Variants in RYR2 observed in about 807,000 individuals in gnomAD.
RYR2 encodes ryanodine receptor 2, also known as cardiac muscle ryanodine receptor-calcium release channel.
A neutral mutation model predicts 601.1 loss-of-function variants in RYR2; 227 were observed. The observed-to-expected ratio is 0.38, with a 90% CI of 0.34 to 0.42. The LOEUF (loss-of-function observed/expected upper bound fraction) is 0.42, where lower values mean the gene tolerates loss of function less well. Ranked by LOEUF, RYR2 falls within the 10% of genes least tolerant of loss-of-function variation. The pLI, the probability that RYR2 is intolerant of heterozygous loss-of-function variation, is 1.00. For synonymous variants in RYR2, 2,223 were observed against 2,175.1 expected (o/e 1.02, Z -0.61); for missense variants, 4,646 against 6,156.5 (o/e 0.75, Z 8.21).
chr1:237,830,937 C>A (rs535277031), intron 103 of RYR2, among the ~76,000 whole-genome samples: 2 of 152,194 alleles, frequency 1.3e-5, no homozygotes, highest in African/African-American at 2.4e-5. Context: ...TCTTAGGCTG[C>A]TTCCTAGGGA....
chr1:237,275,048 GTA>G (rs1690122015), intron 2 of RYR2, among the ~76,000 whole-genome samples: 1 of 150,926 alleles, frequency 6.6e-6, no homozygotes, highest in Non-Finnish European at 1.5e-5. Context: ...ATGCATGTCT[GTA>G]TATATATATC....
chr1:237,271,791 A>G (rs1031015436), intron 2 of RYR2, among the ~76,000 whole-genome samples: 2 of 152,114 alleles, frequency 1.3e-5, no homozygotes, highest in African/African-American at 4.8e-5. Context: ...TTGTCTCTGA[A>G]AGTCAGTGAC....
At chr1:237,755,654 A>G (rs1407832986) in intron 80 of RYR2, among the ~76,000 whole-genome samples, 8 of 152,188 alleles carry the variant, frequency 5.3e-5, no homozygotes, top group Non-Finnish European at 1.2e-4. Context: ...AACTCCAGCC[A>G]TTGCTCCAGC....
intron 1 of RYR2, among the ~76,000 whole-genome samples, chr1:237,227,509 A>T (rs956486604): frequency 6.6e-6 from 1 of 152,200 alleles, no homozygotes; most frequent in Non-Finnish European, 1.5e-5. Context: ...AAACTGTTTC[A>T]TCATAACATC....
At chr1:237,244,464 G>T (rs1398751695) in intron 1 of RYR2, among the ~76,000 whole-genome samples, 2 of 152,090 alleles carry the variant, frequency 1.3e-5, no homozygotes, top group Non-Finnish European at 2.9e-5. Flanking sequence ...GAGCAGAGAA[G>T]ATGGTGTCCT....
intron 62 of RYR2, 41 bp downstream of exon 62, chr1:237,680,618 T>G: frequency 6.6e-7 from 1 of 1,522,844 alleles, no homozygotes; most frequent in Non-Finnish European, 8.9e-7. Context: ...ATGACTTAGG[T>G]GTATATGCAG....
chr1:237,229,292 T>G (rs1397478085), intron 1 of RYR2, among the ~76,000 whole-genome samples: 2 of 152,194 alleles, frequency 1.3e-5, no homozygotes, highest in Non-Finnish European at 2.9e-5. Context: ...CTTTTATGCA[T>G]GGTGGGGATG....
intron 97 of RYR2, among the ~76,000 whole-genome samples, chr1:237,798,928 G>A (rs1296315732): frequency 1.3e-5 from 2 of 152,026 alleles, no homozygotes; most frequent in Non-Finnish European, 1.5e-5. Context: ...TAATGATTTT[G>A]GAAGAAACAT....
chr1:237,698,611 A>G (rs1195184203), intron 63 of RYR2, among the ~76,000 whole-genome samples: 1 of 152,192 alleles, frequency 6.6e-6, no homozygotes, highest in Non-Finnish European at 1.5e-5. Context: ...CATAAAGGAT[A>G]TGAGCTGACT....
chr1:237,722,370 G>C (rs1689798591), intron 73 of RYR2, among the ~76,000 whole-genome samples: 1 of 151,012 alleles, frequency 6.6e-6, no homozygotes, highest in Non-Finnish European at 1.5e-5. Flanking sequence ...TTTAATGTCT[G>C]TCTTCTCTAC....
intron 77 of RYR2, 126 bp from the exon 78 acceptor site, chr1:237,731,920 C>CACACA (rs1225609687): frequency 1.6e-5 from 4 of 249,540 alleles, no homozygotes; most frequent in East Asian, 1.1e-4. Flanking sequence ...ACACACACAC[C>CACACA]CCACAACAGG....
chr1:237,388,818 T>C (rs1702146004), intron 10 of RYR2, among the ~76,000 whole-genome samples: 1 of 152,182 alleles, frequency 6.6e-6, no homozygotes, highest in Non-Finnish European at 1.5e-5. Flanking sequence ...AAGATGAATA[T>C]GTAAATAAGA....
chr1:237,732,769 T>A lies in RYR2; in HGVS notation c.11039+620T>A, dbSNP rs567124474. Among the ~76,000 whole-genome samples the A allele has an allele frequency of 9.2e-5, 14 of 152,294 alleles. No homozygotes were observed. In the East Asian group the frequency reaches 2.5e-3, roughly 27 times the overall value. On this transcript the variant is annotated intron_variant, in intron 78 of 104. Transcript: ENST00000366574. ...CAGCATCTGTCATTACGGAGGGCAA[T>A]GCATAAATTGGCTGTGCAGATGGGA... is the stretch of plus-strand genomic sequence containing the variant.
intron 1 of RYR2, among the ~76,000 whole-genome samples, chr1:237,240,627 T>C (rs1188871138): frequency 1.3e-5 from 1 of 79,004 alleles, no homozygotes; most frequent in Non-Finnish European, 2.4e-5. Flanking sequence ...TATTTAAATA[T>C]AATAAGTCAA....
rs1186466093 is a variant in RYR2, at chr1:237,042,418, C to T, written c.-104C>T. ...CACCCGGCAGCGCGGCCCCCTCCAG[C>T]CCCCGGCTCCCGGCAGCAGAAGCAG... is the stretch of plus-strand genomic sequence containing the variant. On this transcript the variant is annotated 5_prime_UTR_variant, in exon 1 of 105. Transcript: ENST00000366574. 4.5e-6 allele frequency: 5 copies of T among 1,107,548 alleles called. No homozygotes were observed. Among genetic ancestry groups the T allele is most frequent in the Admixed American group, 9.1e-5 (2 of 22,030 alleles). The allele number at this position is 1,107,548 out of a possible 1,614,324, so 68.6% of individuals were successfully genotyped here.
At chr1:237,546,548 T>C (rs1277268456) in intron 25 of RYR2, among the ~76,000 whole-genome samples, 1 of 151,928 alleles carries the variant, frequency 6.6e-6, no homozygotes, top group Non-Finnish European at 1.5e-5. Flanking sequence ...CAGCTAATTG[T>C]TTTGTATTTT....
chr1:237,813,634 A>AC (rs1201199437), intron 100 of RYR2, among the ~76,000 whole-genome samples: 2 of 152,166 alleles, frequency 1.3e-5, no homozygotes, highest in Admixed American at 1.3e-4. Flanking sequence ...AACTGCCTTC[A>AC]CCTGGTTGAT....
intron 100 of RYR2, among the ~76,000 whole-genome samples, chr1:237,817,894 AT>A (rs1341874207): frequency 6.6e-6 from 1 of 152,222 alleles, no homozygotes; most frequent in Non-Finnish European, 1.5e-5. Flanking sequence ...AAGTCAGGGT[AT>A]CTGGAACAGT....
intron 1 of RYR2, among the ~76,000 whole-genome samples, chr1:237,138,935 T>C (rs1309589850): frequency 6.6e-6 from 1 of 152,210 alleles, no homozygotes; most frequent in Non-Finnish European, 1.5e-5. Flanking sequence ...TCTCATACAC[T>C]GCTGGGGACC....
Sources: gnomAD v4.1 joint callset for allele counts (sites outside exome capture counted in the v4.1 genomes callset) on GRCh38, gnomAD v4.1.1 for gene constraint, MANE v1.5 for transcripts, NCBI Gene and HGNC (gene_info 2026-07-23, HGNC 2026-07-21) for gene names.